The following RAB11FIP5 variants were observed in gnomAD, a reference collection of about 807,000 sequenced individuals.
RAB11FIP5 encodes the protein rab11 family-interacting protein 5.
A neutral mutation model predicts 85.1 loss-of-function variants in RAB11FIP5; 48 were observed. That is an observed-to-expected ratio of 0.56 (90% CI 0.45 to 0.72). The LOEUF (loss-of-function observed/expected upper bound fraction) is 0.72. Ranked by LOEUF, RAB11FIP5 falls within the 30% of genes least tolerant of loss-of-function variation. The pLI, the probability that RAB11FIP5 is intolerant of heterozygous loss-of-function variation, is 0.00. For synonymous variants in RAB11FIP5, 729 were observed against 727.3 expected (o/e 1.00, Z -0.04); for missense variants, 1,491 against 1,687.0 (o/e 0.88, Z 2.04).
At chr2:73,104,290 A>T (rs1684483580) in intron 1 of RAB11FIP5, among the ~76,000 whole-genome samples, 1 of 152,102 alleles carries the variant, frequency 6.6e-6, no homozygotes, top group African/African-American at 2.4e-5. Context: ...CTCAAAAGTA[A>T]ATAGGGGCCA....
chr2:73,105,986 T>C (rs1182691751), intron 1 of RAB11FIP5, among the ~76,000 whole-genome samples: 1 of 152,138 alleles, frequency 6.6e-6, no homozygotes, highest in Admixed American at 6.5e-5. Context: ...TGAGAGTTCA[T>C]GGCTGCAGTG....
At chr2:73,079,149 T>C (rs1172386435) in intron 4 of RAB11FIP5, among the ~76,000 whole-genome samples, 1 of 152,170 alleles carries the variant, frequency 6.6e-6, no homozygotes, top group Non-Finnish European at 1.5e-5. Flanking sequence ...CTCCTCTGGC[T>C]CTCTGCCTTC....
At chr2:73,100,669 A>G (rs2195630) in intron 1 of RAB11FIP5, among the ~76,000 whole-genome samples, 49,189 of 151,912 alleles carry the variant, frequency 0.32, 9,597 homozygotes, top group East Asian at 0.56. Context: ...CAAGTGATCC[A>G]TCTGCCTCGG....
chr2:73,102,790 C>T (rs549991904), intron 1 of RAB11FIP5, among the ~76,000 whole-genome samples: 1 of 152,308 alleles, frequency 6.6e-6, no homozygotes, highest in Admixed American at 6.5e-5. Context: ...TTTTAAGGGC[C>T]TTGTGTGAGA....
rs922928653 is a variant in RAB11FIP5, at chr2:73,086,435, A to G, written c.1568+1615T>C. Among the ~76,000 whole-genome samples the G allele has an allele frequency of 1.3e-5, 2 of 152,194 alleles. No individual in the cohort carries two copies. Among genetic ancestry groups the G allele is most frequent in the African/African-American group, 4.8e-5 (2 of 41,454 alleles). ...ACTGTAAGTGCCCCAGGCCAGTGAC[A>G]ACCCCACAGACTCACAGCCTGTGGG... On this transcript the variant is annotated intron_variant, in intron 3 of 5. Coordinates refer to ENST00000486777, the MANE Select transcript of RAB11FIP5 (RefSeq NM_001371272.1). The surrounding 1 kb of genome is among the most constrained non-coding windows in gnomAD (Gnocchi z 4.4).
chr2:73,081,619 G>A lies in RAB11FIP5; in HGVS notation c.1613C>T (p.Pro538Leu), dbSNP rs1683986939. The A allele has an allele frequency of 3.3e-6, 4 of 1,226,498 alleles. No individual in the cohort carries two copies. Among genetic ancestry groups the A allele is most frequent in the Admixed American group, 8.4e-5 (2 of 23,702 alleles). The allele number at this position is 1,226,498 out of a possible 1,614,324, so 76.0% of individuals were successfully genotyped here. The change falls in exon 4 of 6, where the codon CCT (proline) becomes CTT (leucine). Residue 538 changes from proline (P) to leucine (L), a missense_variant. Pro to Leu is a moderately conservative substitution (Grantham distance 98, BLOSUM62 -3). Around this residue, in one of 3 missense-constraint regions of RAB11FIP5, gnomAD observed 1,211 missense variants for 1,338.0 expected, o/e 0.91. Transcript: ENST00000486777. This position sits in a 1 kb window ranked among gnomAD's most constrained non-coding sequence, Gnocchi z 4.2. The stretch of plus-strand genomic sequence containing the variant: ...CCAGGGGGAGCAGGGGAGGTGGTGA[G>A]GAAGAGCAGCTGGGTCAGATTCTAC... ...PQVESDPAAL[P>L]HHLPCSPWAP...
Position 73,089,328 on chromosome 2 carries a change from G to A in RAB11FIP5, c.432-13C>T, listed in dbSNP as rs989946043. On this transcript the variant is annotated splice_polypyrimidine_tract_variant and intron_variant, in intron 1 of 5. Transcript: ENST00000486777. The surrounding 1 kb of genome is among the most constrained non-coding windows in gnomAD (Gnocchi z 4.6). ...CAGCTTGTACCACCTGTGAGAAGAG[G>A]GGAGCAGGCAGAACTCAGTCACGGG... 12 of 1,611,862 alleles carry A rather than the reference G, an allele frequency of 7.4e-6. No individual in the cohort carries two copies. Among genetic ancestry groups the A allele is most frequent in the African/African-American group, 5.3e-5 (4 of 74,880 alleles).
At position 73,080,796 on chromosome 2, in the gene RAB11FIP5, G is replaced by A. The variant is rs1057269015; in HGVS notation, c.2436C>T (p.Asp812=). 26 of 1,232,350 alleles carry A rather than the reference G, an allele frequency of 2.1e-5. No individual in the cohort carries two copies. The East Asian group carries it at 2.8e-4, about 13-fold the overall frequency. 76.3% of individuals were successfully genotyped at this position (1,232,350 alleles called of 1,614,324 possible). A position where few individuals can be genotyped will look rare whatever the true frequency, so the allele number is the denominator to read the frequency against. ...GATTTTCGCCTCGGGAGGACTCATCGTCCTGGCCCTCAGCAGCGCTCTCTG... is the reference window on the plus strand; with the variant it reads ...GATTTTCGCCTCGGGAGGACTCATCATCCTGGCCCTCAGCAGCGCTCTCTG... ...PGPESAAEGQ[D]DESSRGENQL... Residue 812 remains aspartate (D), a synonymous_variant, in exon 4 of 6, where the codon GAC becomes GAT. Coordinates refer to ENST00000486777, the MANE Select transcript of RAB11FIP5 (RefSeq NM_001371272.1).
chr2:73,097,415 T>A (rs1684343565), intron 1 of RAB11FIP5, among the ~76,000 whole-genome samples: 1 of 152,202 alleles, frequency 6.6e-6, no homozygotes, highest in Non-Finnish European at 1.5e-5. Context: ...CATGTGCACA[T>A]CAACATGACA....
At position 73,112,426 on chromosome 2, in the gene RAB11FIP5, T is replaced by C. The variant is rs1374754640; in HGVS notation, c.352A>G (p.Ile118Val). ...LVLTTMHRSL[I>V]GVDKFLGQAT... ...TGGCCCAGGAACTTGTCGACGCCGATGAGCGAGCGGTGCATGGTGGTGAGC... is the reference window on the plus strand; with the variant it reads ...TGGCCCAGGAACTTGTCGACGCCGACGAGCGAGCGGTGCATGGTGGTGAGC... Residue 118 changes from isoleucine to valine, a missense_variant, in exon 1 of 6, where the codon ATC (isoleucine) becomes GTC (valine). This residue lies in a region of RAB11FIP5 where 1,211 missense variants were observed against 1,338.0 expected (regional missense o/e 0.91). Coordinates refer to ENST00000486777, the MANE Select transcript of RAB11FIP5 (RefSeq NM_001371272.1). 2 of 1,601,806 alleles carry C rather than the reference T, an allele frequency of 1.2e-6. No homozygotes were observed. The highest frequency in any genetic ancestry group is 2.7e-5 in the African/African-American group (2 of 73,766).
intron 1 of RAB11FIP5, among the ~76,000 whole-genome samples, chr2:73,106,139 T>A (rs1684522401): frequency 6.6e-6 from 1 of 152,128 alleles, no homozygotes; most frequent in Admixed American, 6.5e-5. Context: ...CACCTACACC[T>A]CAAGGGCTTG....
chr2:73,098,803 T>C (rs192590434), intron 1 of RAB11FIP5, among the ~76,000 whole-genome samples: 80 of 152,152 alleles, frequency 5.3e-4, no homozygotes, highest in Non-Finnish European at 5.7e-4. Flanking sequence ...CTAACAAAAT[T>C]TAGCATGTCT....
In RAB11FIP5 at chr2:73,075,735, A is replaced by G; in HGVS notation, c.3772-11T>C. The G allele has an allele frequency of 6.3e-7, 1 of 1,585,506 alleles. No homozygotes were observed. The highest frequency in any genetic ancestry group is 8.6e-7 in the Non-Finnish European group (1 of 1,164,104). ...CAGCACAGCTGAGTCCTGAGGCCGG[A>G]CCGAAGACAGTGAGCAGGGCAGCCC... On this transcript the variant is annotated splice_polypyrimidine_tract_variant and intron_variant, in intron 5 of 5. Coordinates refer to ENST00000486777, the MANE Select transcript of RAB11FIP5 (RefSeq NM_001371272.1). This position sits in a 1 kb window ranked among gnomAD's most constrained non-coding sequence, Gnocchi z 4.6.
At position 73,086,001 on chromosome 2, in the gene RAB11FIP5, CCTT is replaced by C. The variant is rs1684085055; in HGVS notation, c.1568+2046_1568+2048del. 1.3e-5 allele frequency among the ~76,000 whole-genome samples: 2 copies of C among 152,324 alleles called. No homozygotes were observed. Among genetic ancestry groups the C allele is most frequent in the South Asian group, 2.1e-4 (1 of 4,826 alleles). ...TCCTGCCATGAGGCAGCCCACCTCT[CCTT>C]CTCTCCTCAGAGGCCCTAAGCAAGC... On this transcript the variant is annotated intron_variant, in intron 3 of 5. Transcript: ENST00000486777. This position sits in a 1 kb window ranked among gnomAD's most constrained non-coding sequence, Gnocchi z 4.4.
intron 1 of RAB11FIP5, among the ~76,000 whole-genome samples, chr2:73,098,809 T>A (rs1263340377): frequency 1.3e-5 from 2 of 152,204 alleles, no homozygotes; most frequent in African/African-American, 4.8e-5. Flanking sequence ...AAATTTAGCA[T>A]GTCTTCCCAC....
At chr2:73,104,395 T>C (rs1008361605) in intron 1 of RAB11FIP5, among the ~76,000 whole-genome samples, 1 of 151,868 alleles carries the variant, frequency 6.6e-6, no homozygotes, top group African/African-American at 2.4e-5. Context: ...CTGGCCAACA[T>C]GGTCTCTACT....
Position 73,081,552 on chromosome 2 carries a change from CATGGGAGCAGCA to C in RAB11FIP5, c.1668_1679del (p.Ala557_Met560del). 8.3e-7 allele frequency: 1 copy of C among 1,211,476 alleles called. No individual in the cohort carries two copies. Among genetic ancestry groups the C allele is most frequent in the Middle Eastern group, 3.1e-4 (1 of 3,204 alleles). 75.0% of individuals were successfully genotyped at this position (1,211,476 alleles called of 1,614,324 possible). On this transcript the variant is annotated inframe_deletion, in exon 4 of 6. Transcript: ENST00000486777. The surrounding 1 kb of genome is among the most constrained non-coding windows in gnomAD (Gnocchi z 4.2). The stretch of plus-strand genomic sequence containing the variant: ...CGGCTGCAAAAAGGTTAGTGCTTAG[CATGGGAGCAGCA>C]GTGGGAGCAGGAGTGGGAGGGGCCG...
intron 4 of RAB11FIP5, among the ~76,000 whole-genome samples, chr2:73,079,157 T>C (rs959586029): frequency 1.3e-5 from 2 of 152,160 alleles, no homozygotes; most frequent in African/African-American, 2.4e-5. Context: ...GCTCTCTGCC[T>C]TCCCCAGCCT....
intron 3 of RAB11FIP5, chr2:73,084,142 G>T (rs986722684): frequency 1.1e-4 from 17 of 152,142 alleles, no homozygotes; most frequent in African/African-American, 3.9e-4. Flanking sequence ...TCAGCAAAGG[G>T]CTCTCCCTGG....
Sources: gnomAD v4.1 joint callset for allele counts (sites outside exome capture counted in the v4.1 genomes callset) on GRCh38, gnomAD v4.1.1 for gene constraint, gnomAD v4.1.1 regional missense constraint, Gnocchi (gnomAD v3.1) non-coding constraint, MANE v1.5 for transcripts, NCBI Gene and HGNC (gene_info 2026-07-23, HGNC 2026-07-21) for gene names.